SLC1A2: variants seen among roughly 807,000 people sequenced by gnomAD.
SLC1A2 encodes the protein solute carrier family 1 member 2.
Under a neutral mutation model 48.8 loss-of-function variants are expected in SLC1A2, and 15 were observed. The ratio of observed to expected loss-of-function variants is 0.31; its 90% CI spans 0.21 to 0.47. The LOEUF (loss-of-function observed/expected upper bound fraction) is 0.47, where lower values mean the gene tolerates loss of function less well. Ranked by LOEUF, SLC1A2 falls within the 20% of genes least tolerant of loss-of-function variation. The pLI is 0.99. For missense variants in SLC1A2, 502 were observed against 730.5 expected, an observed-to-expected ratio of 0.69 and a Z score of 3.61; for synonymous variants, 279 against 272.6, an observed-to-expected ratio of 1.02 and a Z score of -0.23.
intron 9 of SLC1A2, among the ~76,000 whole-genome samples, chr11:35,271,762 G>C (rs1850285993): frequency 6.6e-6 from 1 of 152,154 alleles, no homozygotes. Context: ...AGAATCGCTT[G>C]GGCCTGAGAG....
intron 10 of SLC1A2, among the ~76,000 whole-genome samples, chr11:35,263,699 T>C (rs892874999): frequency 5.9e-5 from 9 of 152,224 alleles, no homozygotes; most frequent in Non-Finnish European, 1.5e-5. Context: ...GTGATTTTTT[T>C]GTTTTACATA....
chr11:35,289,897 G>T (rs1423626638), intron 7 of SLC1A2, among the ~76,000 whole-genome samples: 1 of 152,180 alleles, frequency 6.6e-6, no homozygotes, highest in Non-Finnish European at 1.5e-5. Flanking sequence ...TACAAAAAGA[G>T]AGCTTGAAAA....
At chr11:35,413,183 C>T (rs1245188201) in intron 1 of SLC1A2, among the ~76,000 whole-genome samples, 1 of 152,152 alleles carries the variant, frequency 6.6e-6, no homozygotes, top group Non-Finnish European at 1.5e-5. Context: ...AGACTGTGCC[C>T]AACCTGAAAG....
intron 1 of SLC1A2, among the ~76,000 whole-genome samples, chr11:35,385,525 C>A (rs911103623): frequency 7.2e-5 from 11 of 152,126 alleles, no homozygotes; most frequent in African/African-American, 2.4e-4. Context: ...GGGTAGCAGT[C>A]AAATGTTCTT....
intron 1 of SLC1A2, among the ~76,000 whole-genome samples, chr11:35,417,045 C>T (rs1855632128): frequency 6.6e-6 from 1 of 152,210 alleles, no homozygotes; most frequent in Non-Finnish European, 1.5e-5. Context: ...AGAATGTCAC[C>T]TGCTCATCAG....
chr11:35,341,296 TTACCAACAAGTATTTAAGTATTTACTACC>T (rs1318680662), intron 1 of SLC1A2, among the ~76,000 whole-genome samples: 3 of 152,092 alleles, frequency 2.0e-5, no homozygotes, highest in African/African-American at 7.3e-5. Context: ...TTGGCGCACC[TTACCAACAAGTATTTAAGTATTTACTACC>T]TACCAATACT....
intron 1 of SLC1A2, among the ~76,000 whole-genome samples, chr11:35,379,546 T>A (rs1170082078): frequency 6.6e-6 from 1 of 152,186 alleles, no homozygotes; most frequent in Admixed American, 6.5e-5. Flanking sequence ...AGCCTTTGCT[T>A]CAGGCTTGAG....
intron 1 of SLC1A2, among the ~76,000 whole-genome samples, chr11:35,373,851 A>G (rs372046548): frequency 1.3e-5 from 2 of 152,336 alleles, no homozygotes; most frequent in South Asian, 2.1e-4. Flanking sequence ...GCTCAAGTTC[A>G]AAGTATTAAC....
At chr11:35,274,581 A>T (rs540763544) in intron 9 of SLC1A2, among the ~76,000 whole-genome samples, 2 of 151,624 alleles carry the variant, frequency 1.3e-5, no homozygotes, top group African/African-American at 2.4e-5. Context: ...GTGTGTGTGC[A>T]TGTGCATGTG....
At chr11:35,315,523 G>T (rs1445044741) in intron 2 of SLC1A2, 1 of 194,782 alleles carries the variant, frequency 5.1e-6, no homozygotes, top group Admixed American at 5.2e-5. Flanking sequence ...GCTGGGCACA[G>T]TGGCTTGTGC....
chr11:35,410,156 C>CA (rs201613027), intron 1 of SLC1A2, among the ~76,000 whole-genome samples: 16 of 53,584 alleles, frequency 3.0e-4, no homozygotes, highest in East Asian at 5.7e-4. Flanking sequence ...TTATTTCTAA[C>CA]AAAAAAAATA....
chr11:35,408,704 G>A, intron 1 of SLC1A2, among the ~76,000 whole-genome samples: 1 of 152,212 alleles, frequency 6.6e-6, no homozygotes, highest in East Asian at 1.9e-4. Context: ...GAGGACAAAA[G>A]GGTAAAAGTT....
chr11:35,337,757 C>G (rs147080117), intron 1 of SLC1A2, among the ~76,000 whole-genome samples: 2 of 152,162 alleles, frequency 1.3e-5, no homozygotes, highest in African/African-American at 4.8e-5. Flanking sequence ...GAGCCTAAGA[C>G]TCATCTATAA....
intron 1 of SLC1A2, among the ~76,000 whole-genome samples, chr11:35,317,911 A>G (rs1005446598): frequency 9.2e-5 from 14 of 152,322 alleles, no homozygotes; most frequent in Admixed American, 8.5e-4. Context: ...CAACAGTAAA[A>G]AGGTGACTTT....
intron 9 of SLC1A2, among the ~76,000 whole-genome samples, chr11:35,275,122 T>C (rs1245946428): frequency 6.6e-6 from 1 of 152,238 alleles, no homozygotes; most frequent in South Asian, 2.1e-4. Context: ...TGCTCGAGTT[T>C]GAGAATGAAT....
At position 35,301,635 on chromosome 11, in the gene SLC1A2, C is replaced by T. The variant is rs372673937; in HGVS notation, c.741G>A (p.Gly247=). 2.1e-5 allele frequency: 34 copies of T among 1,613,560 alleles called. No homozygotes were observed. Among genetic ancestry groups the T allele is most frequent in the Non-Finnish European group, 2.5e-5 (30 of 1,179,748 alleles). ...TAGCGATGCCAAAAGCAATGAAAAA[C>T]CCTATCAGACCTGTTGGATGAATCA... ...KDGMNVLGLI[G]FFIAFGIAMG... is the part of the protein sequence containing the mutation. Residue 247 remains glycine (G), a synonymous_variant, in exon 6 of 11, where the codon GGG becomes GGA. Transcript: ENST00000278379.
At chr11:35,383,018 A>G (rs886608853) in intron 1 of SLC1A2, among the ~76,000 whole-genome samples, 5 of 152,238 alleles carry the variant, frequency 3.3e-5, no homozygotes, top group African/African-American at 7.2e-5. Flanking sequence ...AAAAATACAT[A>G]TGCAAAGATG....
intron 1 of SLC1A2, among the ~76,000 whole-genome samples, chr11:35,380,946 G>A (rs189991808): frequency 3.9e-5 from 6 of 152,324 alleles, no homozygotes; most frequent in Admixed American, 6.5e-5. Flanking sequence ...AAAATTACAC[G>A]TAGTGGGGAT....
At chr11:35,367,823 C>A (rs908409915) in intron 1 of SLC1A2, among the ~76,000 whole-genome samples, 7 of 152,278 alleles carry the variant, frequency 4.6e-5, no homozygotes, top group African/African-American at 1.7e-4. Flanking sequence ...TCTTTGTACT[C>A]CAGTAAGTGT....
Sources: gnomAD v4.1 joint callset for allele counts (sites outside exome capture counted in the v4.1 genomes callset) on GRCh38, gnomAD v4.1.1 for gene constraint, MANE v1.5 for transcripts, NCBI Gene and HGNC (gene_info 2026-07-23, HGNC 2026-07-21) for gene names.